The following KCTD17 variants were observed in gnomAD, a reference collection of about 807,000 sequenced individuals.
The protein encoded by KCTD17 is potassium channel tetramerization domain containing 17.
Under a neutral mutation model 41.5 loss-of-function variants are expected in KCTD17, and 20 were observed. The observed-to-expected ratio is 0.48, with a 90% CI of 0.34 to 0.70. The LOEUF (loss-of-function observed/expected upper bound fraction) is 0.70. KCTD17 is among the 30% of genes least tolerant of loss of function. KCTD17 has a pLI of 0.01. For synonymous variants in KCTD17, 156 were observed against 173.8 expected (o/e 0.90, Z 0.80); for missense variants, 317 against 427.2 (o/e 0.74, Z 2.27).
chr22:37,062,581 G>T lies in KCTD17; in HGVS notation c.932G>T (p.Gly311Val), dbSNP rs749046876. Reference sequence around the variant, plus strand: ...GCCCCAGATCACCTCCAGGGACTTGGGGTTCCCATCTGAAATCCTTTATTT... The same window carrying T: ...GCCCCAGATCACCTCCAGGGACTTGTGGTTCCCATCTGAAATCCTTTATTT... ...CEAPDHLQGL[G>V]VPI The change falls in exon 9 of 9, where the codon GGG becomes GTG. Residue 311 changes from glycine (G) to valine (V), a missense_variant. This residue lies in a region of KCTD17 where 177 missense variants were observed against 194.4 expected (regional missense o/e 0.91). Coordinates refer to ENST00000403888, the MANE Select transcript of KCTD17 (RefSeq NM_001282684.2). 6.2e-7 allele frequency: 1 copy of T among 1,613,236 alleles called. No homozygotes were observed. Among genetic ancestry groups the T allele is most frequent in the South Asian group, 1.1e-5 (1 of 90,952 alleles).
chr22:37,055,082 AG>A (rs1244054626), intron 2 of KCTD17: 2 of 152,276 alleles, frequency 1.3e-5, no homozygotes, highest in African/African-American at 4.8e-5. Flanking sequence ...GCAGAAAGAG[AG>A]GGAGCTAGCC....
chr22:37,054,319 C>T (rs1924839645), intron 2 of KCTD17, among the ~76,000 whole-genome samples: 1 of 152,186 alleles, frequency 6.6e-6, no homozygotes, highest in Non-Finnish European at 1.5e-5. Flanking sequence ...CCTGTTTACA[C>T]GCCCTGCATT....
At chr22:37,058,962 C>T (rs972410717) in intron 4 of KCTD17, among the ~76,000 whole-genome samples, 1 of 152,218 alleles carries the variant, frequency 6.6e-6, no homozygotes, top group Non-Finnish European at 1.5e-5. Context: ...GGGGGACAGC[C>T]GCCCTTTAGA....
intron 3 of KCTD17, 128 bp from the exon 4 acceptor site, chr22:37,057,270 A>G (rs895556716): frequency 1.3e-4 from 101 of 754,814 alleles, no homozygotes; most frequent in Non-Finnish European, 2.3e-4. Context: ...CCCCCCAACC[A>G]CCTCTTCTTT....
Position 37,061,376 on chromosome 22 carries a change from C to T in KCTD17, c.785-163C>T, listed in dbSNP as rs1925764328. 6.8e-7 allele frequency: 1 copy of T among 1,475,028 alleles called. No individual in the cohort carries two copies. The highest frequency in any genetic ancestry group is 9.0e-7 in the Non-Finnish European group (1 of 1,114,706). The allele number at this position is 1,475,028 out of a possible 1,614,324, so 91.4% of individuals were successfully genotyped here. A position where few individuals can be genotyped will look rare whatever the true frequency, so the allele number is the denominator to read the frequency against. On this transcript the variant is annotated intron_variant, in intron 7 of 8. Coordinates refer to ENST00000403888, the MANE Select transcript of KCTD17 (RefSeq NM_001282684.2). This position sits in a 1 kb window ranked among gnomAD's most constrained non-coding sequence, Gnocchi z 6.6. ...AGCGTCCTGCCTGCCGCCTCCTGCG[C>T]CCCTTCTGGTACCTCCTGCCTCCCA...
In KCTD17 at chr22:37,057,398, G is replaced by A. The variant is rs1168214635; in HGVS notation, c.391G>A (p.Val131Ile). ...MEEKDYTVTQ[V>I]PPKHVYRVLQ... ...CTCTATGTGACCCTTCTGCCCACAG[G>A]TCCCACCCAAGCACGTGTACCGCGT... The change falls in exon 4 of 9, where the codon GTC becomes ATC. Residue 131 changes from valine (V) to isoleucine (I), a missense_variant and splice_region_variant. Val to Ile is a conservative substitution (Grantham distance 29, BLOSUM62 3). Around this residue, in one of 4 missense-constraint regions of KCTD17, gnomAD observed 27 missense variants for 24.0 expected, o/e 1.13. Transcript: ENST00000403888. The A allele has an allele frequency of 6.2e-7, 1 of 1,613,600 alleles. No individual in the cohort carries two copies. The highest frequency in any genetic ancestry group is 8.5e-7 in the Non-Finnish European group (1 of 1,179,706).
Position 37,061,560 on chromosome 22 carries a change from G to A in KCTD17, c.806G>A (p.Arg269Lys), listed in dbSNP as rs1925800009. 6.2e-7 allele frequency: 1 copy of A among 1,601,722 alleles called. No homozygotes were observed. The highest frequency in any genetic ancestry group is 1.1e-5 in the South Asian group (1 of 90,976). ...PAGGSRPHPL[R>K]PEAELAVRAS... ...GCAGGTTCCCGTCCGCACCCTCTCA[G>A]ACCTGAGGCTGAGCTTGCAGTGAGG... The change falls in exon 8 of 9, where the codon AGA (arginine) becomes AAA (lysine). Residue 269 changes from arginine (R) to lysine (K), a missense_variant. By Grantham distance (26) the Arg-to-Lys change is conservative. Around this residue, in one of 4 missense-constraint regions of KCTD17, gnomAD observed 177 missense variants for 194.4 expected, o/e 0.91. Coordinates refer to ENST00000403888, the MANE Select transcript of KCTD17 (RefSeq NM_001282684.2). The surrounding 1 kb of genome is among the most constrained non-coding windows in gnomAD (Gnocchi z 6.6).
At chr22:37,058,200 C>T (rs916857638) in intron 4 of KCTD17, among the ~76,000 whole-genome samples, 10 of 152,222 alleles carry the variant, frequency 6.6e-5, no homozygotes, top group African/African-American at 2.4e-4. Flanking sequence ...TCTCCACGCC[C>T]ACCCACACGT....
chr22:37,052,981 G>T, intron 1 of KCTD17, 119 bp from the exon 2 acceptor site: 7 of 792,502 alleles, frequency 8.8e-6, no homozygotes, highest in Admixed American at 2.3e-5. Context: ...TTGCTACTTT[G>T]TGCCTGCTCC....
At chr22:37,059,479 T>A in intron 5 of KCTD17, 41 bp downstream of exon 5, 1 of 1,573,452 alleles carries the variant, frequency 6.4e-7, no homozygotes, top group Non-Finnish European at 8.6e-7. Context: ...AGAAGTCTCC[T>A]GTCTCCCTCC....
intron 3 of KCTD17, 111 bp downstream of exon 3, chr22:37,056,522 TC>T: frequency 1.1e-6 from 1 of 882,796 alleles, no homozygotes. Flanking sequence ...CCAGTGTTTG[TC>T]ATGGGGAGGC....
In KCTD17 at chr22:37,053,643, G is replaced by A. The variant is rs959848078; in HGVS notation, c.298+435G>A. Among the ~76,000 whole-genome samples, 2 of 152,188 alleles carry A rather than the reference G, an allele frequency of 1.3e-5. No individual in the cohort carries two copies. The highest frequency in any genetic ancestry group is 2.9e-5 in the Non-Finnish European group (2 of 68,042). ...TCCAGTATCTCAAATTCTGCCTGGT[G>A]AGGGCTTGTAAGTGGGTGGAGCGGG... On this transcript the variant is annotated intron_variant, in intron 2 of 8. Coordinates refer to ENST00000403888, the MANE Select transcript of KCTD17 (RefSeq NM_001282684.2). This position sits in a 1 kb window ranked among gnomAD's most constrained non-coding sequence, Gnocchi z 4.1.
In KCTD17 at chr22:37,061,424, T is replaced by C; in HGVS notation, c.785-115T>C. 2 of 1,482,854 alleles carry C rather than the reference T, an allele frequency of 1.3e-6. No individual in the cohort carries two copies. Among genetic ancestry groups the C allele is most frequent in the Non-Finnish European group, 1.8e-6 (2 of 1,116,824 alleles). 91.9% of individuals were successfully genotyped at this position (1,482,854 alleles called of 1,614,324 possible). A position where few individuals can be genotyped will look rare whatever the true frequency, so the allele number is the denominator to read the frequency against. On this transcript the variant is annotated intron_variant, in intron 7 of 8. Coordinates refer to ENST00000403888, the MANE Select transcript of KCTD17 (RefSeq NM_001282684.2). This position sits in a 1 kb window ranked among gnomAD's most constrained non-coding sequence, Gnocchi z 6.6. ...CCAGCCTGGGGAGGAGGGGCGCAGC[T>C]GCACCTCCTCTGTGCCCACTAACCC...
In KCTD17 at chr22:37,062,627, C is replaced by T. The variant is rs765705394; in HGVS notation, c.*33C>T. ...TATTTTTGTACCATGGGGTGGGCCC[C>T]GGGCCTGAGAAGGAAGAAGCACCCT... On this transcript the variant is annotated 3_prime_UTR_variant, in exon 9 of 9. Transcript: ENST00000403888. The T allele has an allele frequency of 2.5e-6, 4 of 1,598,694 alleles. No individual in the cohort carries two copies. The highest frequency in any genetic ancestry group is 1.3e-5 in the African/African-American group (1 of 74,748).
intron 1 of KCTD17, 178 bp downstream of exon 1, chr22:37,052,127 A>G (rs902645800): frequency 2.4e-5 from 21 of 869,414 alleles, no homozygotes; most frequent in Non-Finnish European, 3.2e-5. Flanking sequence ...GTAGTGAGGG[A>G]TGTACCCATT....
At chr22:37,056,455 G>A (rs1178882274) in intron 3 of KCTD17, 44 bp downstream of exon 3, 3 of 1,512,734 alleles carry the variant, frequency 2.0e-6, no homozygotes, top group East Asian at 2.3e-5. Flanking sequence ...AGGGGCCAGT[G>A]GGGAGAGAGA....
intron 4 of KCTD17, among the ~76,000 whole-genome samples, chr22:37,058,030 C>T (rs1925347054): frequency 1.3e-5 from 2 of 152,244 alleles, no homozygotes; most frequent in South Asian, 4.1e-4. Context: ...TCCTCCCAGT[C>T]CAGATGCAGT....
rs1265666699 is a variant in KCTD17, at chr22:37,057,383, C to T, written c.391-15C>T. 1 of 1,610,562 alleles carries T rather than the reference C, an allele frequency of 6.2e-7. No individual in the cohort carries two copies. The highest frequency in any genetic ancestry group is 1.3e-5 in the African/African-American group (1 of 74,994). The stretch of plus-strand genomic sequence containing the variant: ...GCTCCCACAGGTGCCCTCTATGTGA[C>T]CCTTCTGCCCACAGGTCCCACCCAA... On this transcript the variant is annotated splice_polypyrimidine_tract_variant and intron_variant, in intron 3 of 8. Transcript: ENST00000403888.
rs146468443 is a variant in KCTD17 at position 37,059,472 on chromosome 22, A to G, written c.612+34A>G. 29 of 1,584,660 alleles carry G rather than the reference A, an allele frequency of 1.8e-5. No individual in the cohort carries two copies. The African/African-American group carries it at 3.2e-4, about 18-fold the overall frequency. Reference sequence around the variant, plus strand: ...ACCCGCCTCAGCCTGTGTCCGGAGAAGTCTCCTGTCTCCCTCCACCCTCCC... The same window carrying G: ...ACCCGCCTCAGCCTGTGTCCGGAGAGGTCTCCTGTCTCCCTCCACCCTCCC... On this transcript the variant is annotated intron_variant, in intron 5 of 8. Transcript: ENST00000403888.
Sources: gnomAD v4.1 joint callset for allele counts (sites outside exome capture counted in the v4.1 genomes callset) on GRCh38, gnomAD v4.1.1 for gene constraint, gnomAD v4.1.1 regional missense constraint, Gnocchi (gnomAD v3.1) non-coding constraint, MANE v1.5 for transcripts, NCBI Gene and HGNC (gene_info 2026-07-23, HGNC 2026-07-21) for gene names.